The following CLIP4 variants were observed in gnomAD, a reference collection of about 807,000 sequenced individuals.
CLIP4 encodes CAP-Gly domain-containing linker protein 4.
A neutral mutation model predicts 73.1 loss-of-function variants in CLIP4; 47 were observed. The observed-to-expected ratio is 0.64, with a 90% CI of 0.51 to 0.82. The LOEUF (loss-of-function observed/expected upper bound fraction) is 0.82. CLIP4 is among the 40% of genes least tolerant of loss of function. The pLI, the probability that CLIP4 is intolerant of heterozygous loss-of-function variation, is 0.00. For synonymous variants in CLIP4, 306 were observed against 295.4 expected, an observed-to-expected ratio of 1.04 and a Z score of -0.37; for missense variants, 874 against 852.9, an observed-to-expected ratio of 1.02 and a Z score of -0.31.
intron 6 of CLIP4, among the ~76,000 whole-genome samples, chr2:29,136,241 T>C (rs1218750595): frequency 1.3e-5 from 2 of 151,444 alleles, no homozygotes; most frequent in Admixed American, 1.3e-4. Flanking sequence ...TTAATAACAA[T>C]AACTCGCTCT....
intron 9 of CLIP4, among the ~76,000 whole-genome samples, chr2:29,154,365 A>G (rs1666779818): frequency 6.6e-6 from 1 of 152,146 alleles, no homozygotes; most frequent in South Asian, 2.1e-4. Flanking sequence ...TTTCCCATCC[A>G]GTCCCCAGGC....
At position 29,176,610 on chromosome 2, in the gene CLIP4, CTG is replaced by C. The variant is rs1357486925; in HGVS notation, c.1796+2167_1796+2168del. Among the ~76,000 whole-genome samples, 4 of 152,334 alleles carry C rather than the reference CTG, an allele frequency of 2.6e-5. No homozygotes were observed. The East Asian group carries it at 7.7e-4, about 29-fold the overall frequency. The stretch of plus-strand genomic sequence containing the variant: ...GGGAAGCAGCTCTGTCTTCAGAACA[CTG>C]TATGTCCAGTGCCAAGAATGAGCTT... On this transcript the variant is annotated intron_variant, in intron 15 of 15. Coordinates refer to ENST00000320081, the MANE Select transcript of CLIP4 (RefSeq NM_024692.6).
chr2:29,176,304 C>T (rs947185714), intron 15 of CLIP4, among the ~76,000 whole-genome samples: 3 of 152,142 alleles, frequency 2.0e-5, no homozygotes, highest in Admixed American at 6.5e-5. Flanking sequence ...TTCTGAGACA[C>T]GTGTGTTGAG....
intron 15 of CLIP4, chr2:29,175,499 G>A (rs911522304): frequency 6.6e-6 from 1 of 152,232 alleles, no homozygotes; most frequent in African/African-American, 2.4e-5. Context: ...TGAAGGGGGA[G>A]AGGTGTCCAA....
At chr2:29,169,580 T>C (rs955634120) in intron 14 of CLIP4, among the ~76,000 whole-genome samples, 1 of 152,196 alleles carries the variant, frequency 6.6e-6, no homozygotes, top group Non-Finnish European at 1.5e-5. Flanking sequence ...AGATGCTGAC[T>C]GTCTTTTCAT....
intron 14 of CLIP4, among the ~76,000 whole-genome samples, chr2:29,174,153 C>G (rs764729725): frequency 2.6e-5 from 4 of 151,936 alleles, no homozygotes; most frequent in African/African-American, 9.7e-5. Flanking sequence ...GGATCTCACT[C>G]TATTGCCCAG....
intron 6 of CLIP4, among the ~76,000 whole-genome samples, chr2:29,137,011 A>C (rs1350378166): frequency 6.6e-6 from 1 of 151,644 alleles, no homozygotes; most frequent in African/African-American, 2.4e-5. Context: ...ATACTTTGAT[A>C]GCCGCCATCT....
At chr2:29,098,265 T>C (rs1667935342) in intron 1 of CLIP4, among the ~76,000 whole-genome samples, 3 of 152,248 alleles carry the variant, frequency 2.0e-5, no homozygotes, top group Admixed American at 6.5e-5. Flanking sequence ...AACTAAAGCC[T>C]GTGGTTTACA....
upstream of CLIP4, chr2:29,114,870 A>G (rs1668489821): frequency 2.0e-5 from 3 of 152,328 alleles, no homozygotes; most frequent in East Asian, 3.9e-4. Context: ...GGGACTCACT[A>G]TGTGTCCAGT....
intron 15 of CLIP4, among the ~76,000 whole-genome samples, chr2:29,178,039 T>G (rs922232362): frequency 6.6e-6 from 1 of 152,248 alleles, no homozygotes. Context: ...AGCTTTTTTG[T>G]TTATGAAAGT....
upstream of CLIP4, among the ~76,000 whole-genome samples, chr2:29,111,219 C>T (rs1041806344): frequency 2.0e-5 from 3 of 152,202 alleles, no homozygotes; most frequent in African/African-American, 7.2e-5. Context: ...GCATCTTTCC[C>T]CAGATCTTTG....
chr2:29,125,207 AC>A (rs1416737083), intron 2 of CLIP4, among the ~76,000 whole-genome samples: 1 of 152,066 alleles, frequency 6.6e-6, no homozygotes. Context: ...TGGTCCCCCT[AC>A]CCCGGCCCCT....
intron 13 of CLIP4, among the ~76,000 whole-genome samples, chr2:29,165,978 A>ATTCTTC (rs1558574616): frequency 1.3e-5 from 2 of 150,436 alleles, no homozygotes; most frequent in Non-Finnish European, 3.0e-5. Context: ...TCTTCTTCAA[A>ATTCTTC]AAAAAAAAAA....
Position 29,145,348 on chromosome 2 carries a change from T to G in CLIP4, c.1002T>G (p.Phe334Leu). The G allele has an allele frequency of 6.2e-7, 1 of 1,610,662 alleles. No individual in the cohort carries two copies. The highest frequency in any genetic ancestry group is 8.5e-7 in the Non-Finnish European group (1 of 1,177,456). ...GAAGTGTTGGAAAAGTCCAGTACTTTAAATGTGCCCCCAAGTATGGTAAGG... is the reference window on the plus strand; with the variant it reads ...GAAGTGTTGGAAAAGTCCAGTACTTGAAATGTGCCCCCAAGTATGGTAAGG... ...NNGSVGKVQY[F>L]KCAPKYGIFA... Residue 334 changes from phenylalanine (F) to leucine (L), a missense_variant, in exon 8 of 16, where the codon TTT (phenylalanine) becomes TTG (leucine). Phe to Leu is a conservative substitution (Grantham distance 22). Transcript: ENST00000320081.
At chr2:29,163,731 T>A in intron 12 of CLIP4, 100 bp from the exon 13 acceptor site, 1 of 1,194,278 alleles carries the variant, frequency 8.4e-7, no homozygotes. Context: ...TTTTGGTCAT[T>A]TATGGAAATG....
Position 29,125,883 on chromosome 2 carries a change from CT to C in CLIP4, c.133+4363del, listed in dbSNP as rs1259319258. Among the ~76,000 whole-genome samples the C allele has an allele frequency of 2.0e-5, 3 of 152,170 alleles. No individual in the cohort carries two copies. In the East Asian group the frequency reaches 5.8e-4, roughly 29 times the overall value. ...CACCCCACTTTCTTTTGATTAAAAG[CT>C]ATTTTTTAGGCCGGGCTTGGTAGCT... On this transcript the variant is annotated intron_variant, in intron 2 of 15. Transcript: ENST00000320081.
chr2:29,152,699 C>T lies in CLIP4; in HGVS notation c.1036C>T (p.Leu346Phe). The change falls in exon 9 of 16, where the codon CTT (leucine) becomes TTT (phenylalanine). Residue 346 changes from leucine to phenylalanine, a missense_variant. Leu to Phe is a conservative substitution (Grantham distance 22). Transcript: ENST00000320081. ...TTCTCCCTTAGGTATTTTTGCACCT[C>T]TTTCAAAGATAAGTAAAGCAAAAGG... Reference protein sequence around the residue: ...CAPKYGIFAPLSKISKAKGRR... With the variant: ...CAPKYGIFAPFSKISKAKGRR... 1 of 1,612,798 alleles carries T rather than the reference C, an allele frequency of 6.2e-7. No homozygotes were observed. Among genetic ancestry groups the T allele is most frequent in the Non-Finnish European group, 8.5e-7 (1 of 1,179,534 alleles).
rs550013919 is a variant in CLIP4 at position 29,100,171 on chromosome 2, C to T, written c.-16+2224C>T. ...TCTCAAACTCCTGAGCTCAAGTGAT[C>T]CGCCCACCGTGGCCTCCCAAAATTC... On this transcript the variant is annotated intron_variant, in intron 1 of 14. Coordinates refer to the CLIP4 transcript ENST00000401605. Among the ~76,000 whole-genome samples, 14 of 152,106 alleles carry T rather than the reference C, an allele frequency of 9.2e-5. No individual in the cohort carries two copies. In the East Asian group the frequency reaches 2.5e-3, roughly 27 times the overall value.
chr2:29,112,748 T>C (rs1422862767), upstream of CLIP4, among the ~76,000 whole-genome samples: 1 of 152,264 alleles, frequency 6.6e-6, no homozygotes, highest in African/African-American at 2.4e-5. Flanking sequence ...CTTCTGCTAG[T>C]TGAACTCCAA....
Sources: gnomAD v4.1 joint callset for allele counts (sites outside exome capture counted in the v4.1 genomes callset) on GRCh38, gnomAD v4.1.1 for gene constraint, MANE v1.5 for transcripts, NCBI Gene and HGNC (gene_info 2026-07-23, HGNC 2026-07-21) for gene names.